Variants in ANO4 observed in about 807,000 individuals in gnomAD.
ANO4 encodes the protein anoctamin 4.
In ANO4, 69 loss-of-function variants were observed where a neutral mutation model predicts 141.9. The observed-to-expected ratio is 0.49, with a 90% confidence interval of 0.40 to 0.59. The LOEUF is 0.59. Ranked by LOEUF, ANO4 falls within the 20% of genes least tolerant of loss-of-function variation. The pLI, the probability that ANO4 is intolerant of heterozygous loss-of-function variation, is 0.00. For synonymous variants in ANO4, 350 were observed against 394.3 expected (o/e 0.89, Z 1.33); for missense variants, 894 against 1,162.2 (o/e 0.77, Z 3.36).
chr12:101,047,637 G>T (rs1456401724), intron 13 of ANO4, among the ~76,000 whole-genome samples: 1 of 152,086 alleles, frequency 6.6e-6, no homozygotes, highest in Non-Finnish European at 1.5e-5. Flanking sequence ...ATGGACATTG[G>T]TATTATTTAT....
At chr12:100,739,329 C>T (rs1258549691) in intron 2 of ANO4, among the ~76,000 whole-genome samples, 1 of 152,062 alleles carries the variant, frequency 6.6e-6, no homozygotes, top group Non-Finnish European at 1.5e-5. Flanking sequence ...GGAGCAGTTT[C>T]TGATCTACTT....
In ANO4 at chr12:100,750,688, CAGTTATA is replaced by C. The variant is rs1273433849; in HGVS notation, c.358+10587_358+10593del. Among the ~76,000 whole-genome samples the C allele has an allele frequency of 2.0e-5, 3 of 152,088 alleles. No individual in the cohort carries two copies. In the East Asian group the frequency reaches 5.8e-4, roughly 29 times the overall value. On this transcript the variant is annotated intron_variant, in intron 3 of 29. Coordinates refer to the ANO4 transcript ENST00000644049. ...CTATAAAGAAAATTTTCTTTACCAC[CAGTTATA>C]AGTGGGAAGTCTGCTTATGCCCTGT... is the stretch of plus-strand genomic sequence containing the variant.
At chr12:100,859,749 C>T (rs745581842) in intron 1 of ANO4, among the ~76,000 whole-genome samples, 8 of 152,106 alleles carry the variant, frequency 5.3e-5, no homozygotes, top group Non-Finnish European at 8.8e-5. Flanking sequence ...GATAAGGTCT[C>T]GTTCTTTTTT....
chr12:100,917,933 T>C (rs1346291325), intron 2 of ANO4, among the ~76,000 whole-genome samples: 1 of 152,256 alleles, frequency 6.6e-6, no homozygotes, highest in Non-Finnish European at 1.5e-5. Flanking sequence ...GTTTAATATC[T>C]GCAGTCTTTA....
chr12:101,017,493 T>C (rs17030910), intron 8 of ANO4, among the ~76,000 whole-genome samples: 6,336 of 152,196 alleles, frequency 0.042, 214 homozygotes, highest in East Asian at 0.12. Flanking sequence ...CTGGGGAAGA[T>C]ATGGCCTGAG....
chr12:101,004,246 G>C (rs1307351938), intron 8 of ANO4, among the ~76,000 whole-genome samples: 1 of 152,028 alleles, frequency 6.6e-6, no homozygotes, highest in East Asian at 1.9e-4. Context: ...TAGAGTTGGG[G>C]GAGCAAAATG....
chr12:101,016,454 T>A (rs2046319833), intron 8 of ANO4, among the ~76,000 whole-genome samples: 1 of 151,634 alleles, frequency 6.6e-6, no homozygotes, highest in Non-Finnish European at 1.5e-5. Flanking sequence ...TCATGAGAGA[T>A]CCACCCCCAT....
intron 1 of ANO4, among the ~76,000 whole-genome samples, chr12:100,883,319 T>C (rs2039662409): frequency 6.6e-6 from 1 of 152,216 alleles, no homozygotes; most frequent in African/African-American, 2.4e-5. Context: ...GTAAATATTT[T>C]CAGCCTTAAG....
chr12:101,116,501 TC>T (rs2050857240), intron 24 of ANO4, among the ~76,000 whole-genome samples, 177 bp from the exon 25 acceptor site: 1 of 152,182 alleles, frequency 6.6e-6, no homozygotes, highest in South Asian at 2.1e-4. Flanking sequence ...AGCAACTTGT[TC>T]CTGATTCAAC....
At chr12:100,988,544 TAAAA>T (rs72390438) in intron 8 of ANO4, among the ~76,000 whole-genome samples, 44 of 133,574 alleles carry the variant, frequency 3.3e-4, no homozygotes, top group Admixed American at 7.7e-4. Flanking sequence ...GTGATGGATT[TAAAA>T]AAAAAAAAAA....
At chr12:100,798,177 G>A (rs1190978024) in intron 1 of ANO4, among the ~76,000 whole-genome samples, 1 of 152,166 alleles carries the variant, frequency 6.6e-6, no homozygotes, top group Non-Finnish European at 1.5e-5. Flanking sequence ...GTGTTATAAA[G>A]TAAAATCATT....
chr12:101,087,297 C>T (rs989949156), intron 17 of ANO4, among the ~76,000 whole-genome samples: 7 of 151,412 alleles, frequency 4.6e-5, no homozygotes, highest in African/African-American at 1.5e-4. Context: ...GCCAGAGGAT[C>T]GCTTGAGCCC....
chr12:100,830,071 C>G (rs1016782180), intron 1 of ANO4, among the ~76,000 whole-genome samples: 1 of 151,988 alleles, frequency 6.6e-6, no homozygotes, highest in African/African-American at 2.4e-5. Flanking sequence ...GGACTATAGT[C>G]ATTATGCCTA....
chr12:100,952,530 C>T (rs1490828892), intron 5 of ANO4, among the ~76,000 whole-genome samples: 5 of 152,218 alleles, frequency 3.3e-5, no homozygotes, highest in South Asian at 4.1e-4. Flanking sequence ...GGCTGAGAGT[C>T]CTTGTGTGTC....
chr12:101,075,427 G>A (rs1300611070), intron 14 of ANO4, among the ~76,000 whole-genome samples: 1 of 151,274 alleles, frequency 6.6e-6, no homozygotes. Context: ...TGATAGATTG[G>A]AATCTAAGGA....
At chr12:101,065,353 T>C (rs1370919779) in intron 14 of ANO4, among the ~76,000 whole-genome samples, 1 of 152,120 alleles carries the variant, frequency 6.6e-6, no homozygotes, top group Non-Finnish European at 1.5e-5. Context: ...TGTTGTTAAT[T>C]ATAGTGTTAT....
chr12:101,023,054 C>T (rs61944925), intron 9 of ANO4, among the ~76,000 whole-genome samples: 9,510 of 152,202 alleles, frequency 0.062, 502 homozygotes, highest in African/African-American at 0.14. Flanking sequence ...GAATGCTGCT[C>T]ATCTGGATAA....
chr12:101,043,681 A>C, intron 13 of ANO4, 46 bp downstream of exon 13: 1 of 1,410,650 alleles, frequency 7.1e-7, no homozygotes, highest in South Asian at 1.2e-5. Context: ...TTTAACATAC[A>C]CCTTCCTGAG....
At chr12:101,015,482 A>G (rs1044039052) in intron 8 of ANO4, among the ~76,000 whole-genome samples, 1 of 152,148 alleles carries the variant, frequency 6.6e-6, no homozygotes, top group Non-Finnish European at 1.5e-5. Context: ...GTAGAGTTGT[A>G]CCATAATTTT....
Sources: allele counts gnomAD v4.1 joint callset (sites outside exome capture counted in the v4.1 genomes callset), GRCh38; gene constraint gnomAD v4.1.1; transcripts MANE v1.5; gene names NCBI Gene and HGNC (gene_info 2026-07-23, HGNC 2026-07-21).